CPNE4: variants seen among roughly 807,000 people sequenced by gnomAD.
The protein encoded by CPNE4 is copine 4, also known as copine-4.
CPNE4 carries 25 observed loss-of-function variants against 67.9 expected under a neutral mutation model. That is an observed-to-expected ratio of 0.37 (90% CI 0.27 to 0.51). CPNE4 has a LOEUF of 0.51. Among genes scored for constraint, CPNE4 ranks in the 20% least tolerant of loss-of-function variants. The pLI, the probability that CPNE4 is intolerant of heterozygous loss-of-function variation, is 0.93. For missense variants in CPNE4, 464 were observed against 690.8 expected (o/e 0.67, Z 3.68); for synonymous variants, 242 against 244.9 (o/e 0.99, Z 0.11).
intron 3 of CPNE4, among the ~76,000 whole-genome samples, chr3:131,713,133 T>C (rs1010045537): frequency 1.3e-5 from 2 of 151,882 alleles, no homozygotes; most frequent in African/African-American, 4.8e-5. Context: ...AGCTGTTTTT[T>C]TTTTAGCATT....
chr3:132,009,170 C>T (rs2369359), intron 1 of CPNE4, among the ~76,000 whole-genome samples: 127,476 of 152,130 alleles, frequency 0.84, 54,503 homozygotes, highest in Non-Finnish European at 0.93. Flanking sequence ...GCTGCTCTGT[C>T]TCTGTCTGTG....
At chr3:131,812,771 G>A (rs1235409961) in intron 2 of CPNE4, among the ~76,000 whole-genome samples, 1 of 152,190 alleles carries the variant, frequency 6.6e-6, no homozygotes, top group Non-Finnish European at 1.5e-5. Flanking sequence ...AGGAGCCATG[G>A]AAGAGTTAGT....
At chr3:131,848,802 G>A (rs1267936095) in intron 2 of CPNE4, among the ~76,000 whole-genome samples, 1 of 151,596 alleles carries the variant, frequency 6.6e-6, no homozygotes. Context: ...AGCGTCAATT[G>A]CTTCTAAAAT....
rs118031056 is a variant in CPNE4, at chr3:131,957,079, C to T, written c.-1-51635G>A. ...GAGGCAACCTCTCCCAATTCAATGC[C>T]GTGTCCTACTTAGGATGAATTGGGA... On this transcript the variant is annotated intron_variant, in intron 1 of 15. Coordinates refer to ENST00000429747, the MANE Select transcript of CPNE4 (RefSeq NM_130808.3). Among the ~76,000 whole-genome samples, 82 of 152,272 alleles carry T rather than the reference C, an allele frequency of 5.4e-4. No homozygotes were observed. In the East Asian group the frequency reaches 9.5e-3, roughly 18 times the overall value.
At chr3:131,860,732 T>C (rs1369746280) in intron 2 of CPNE4, among the ~76,000 whole-genome samples, 2 of 152,202 alleles carry the variant, frequency 1.3e-5, no homozygotes, top group Non-Finnish European at 2.9e-5. Flanking sequence ...TCACGGAAGA[T>C]GCTAGAAGAA....
At chr3:131,792,711 G>GTATATATATACATA (rs1407332682) in intron 2 of CPNE4, among the ~76,000 whole-genome samples, 1 of 103,726 alleles carries the variant, frequency 9.6e-6, no homozygotes, top group Admixed American at 1.1e-4. Context: ...ACACACACGT[G>GTATATATATACATA]TATATATGTA....
rs556572421 is a variant in CPNE4 at position 131,986,989 on chromosome 3, T to C, written c.-2+47578A>G. Among the ~76,000 whole-genome samples, 30 of 152,296 alleles carry C rather than the reference T, an allele frequency of 2.0e-4. No homozygotes were observed. In the South Asian group the frequency reaches 5.0e-3, roughly 25 times the overall value. ...ATGTCCAGTCCTCACTCAAGGCCAA[T>C]TAAATCAGAATCTCTGGAAGTGGTA... On this transcript the variant is annotated intron_variant, in intron 1 of 15. Transcript: ENST00000429747.
intron 2 of CPNE4, among the ~76,000 whole-genome samples, chr3:131,782,538 T>G (rs1002234945): frequency 6.6e-6 from 1 of 152,004 alleles, no homozygotes; most frequent in Non-Finnish European, 1.5e-5. Flanking sequence ...CTCCTAGTTA[T>G]CTTGAGAAGA....
At chr3:131,997,327 A>G (rs1050442401) in intron 1 of CPNE4, among the ~76,000 whole-genome samples, 9 of 152,150 alleles carry the variant, frequency 5.9e-5, no homozygotes, top group Non-Finnish European at 1.3e-4. Flanking sequence ...TCCCCACTGT[A>G]GAGACTGGTC....
intron 2 of CPNE4, among the ~76,000 whole-genome samples, chr3:131,865,837 A>G (rs2086921779): frequency 6.6e-6 from 1 of 152,178 alleles, no homozygotes; most frequent in South Asian, 2.1e-4. Context: ...TGTGGATGGG[A>G]AGAATAGAAA....
intron 7 of CPNE4, among the ~76,000 whole-genome samples, chr3:131,661,756 AT>A (rs571418090): frequency 6.0e-5 from 9 of 150,664 alleles, no homozygotes; most frequent in East Asian, 3.9e-4. Context: ...CTATCCAAGG[AT>A]TTTTTTTTTC....
chr3:131,598,465 A>G (rs752128594), intron 7 of CPNE4, among the ~76,000 whole-genome samples: 1 of 152,234 alleles, frequency 6.6e-6, no homozygotes, highest in Non-Finnish European at 1.5e-5. Flanking sequence ...GTATCATTAT[A>G]TCCCTTTGAC....
At chr3:131,944,319 G>T (rs1003050149) in intron 1 of CPNE4, among the ~76,000 whole-genome samples, 1 of 152,002 alleles carries the variant, frequency 6.6e-6, no homozygotes, top group Non-Finnish European at 1.5e-5. Flanking sequence ...ACTTCATGGT[G>T]TGGGCAATTT....
At chr3:131,935,061 A>C (rs2071182460) in intron 1 of CPNE4, among the ~76,000 whole-genome samples, 1 of 152,156 alleles carries the variant, frequency 6.6e-6, no homozygotes, top group South Asian at 2.1e-4. Context: ...TCAATAAAGA[A>C]ATTAAATAAC....
intron 7 of CPNE4, among the ~76,000 whole-genome samples, chr3:131,643,943 T>G (rs907960064): frequency 6.6e-6 from 1 of 152,188 alleles, no homozygotes; most frequent in Admixed American, 6.5e-5. Flanking sequence ...ATTAAACCTC[T>G]TTCCATATAA....
At chr3:131,822,139 C>T (rs79728107) in intron 2 of CPNE4, among the ~76,000 whole-genome samples, 3,529 of 152,228 alleles carry the variant, frequency 0.023, 124 homozygotes, top group African/African-American at 0.079. Flanking sequence ...ATAAAGCTAA[C>T]GCAAGGGCCA....
At chr3:131,824,345 TA>T (rs1326985676) in intron 2 of CPNE4, among the ~76,000 whole-genome samples, 1 of 152,090 alleles carries the variant, frequency 6.6e-6, no homozygotes, top group Non-Finnish European at 1.5e-5. Flanking sequence ...ACTCAAAGAT[TA>T]AAAAAGAACT....
intron 9 of CPNE4, among the ~76,000 whole-genome samples, chr3:131,578,339 T>C (rs916135657): frequency 6.6e-6 from 1 of 152,168 alleles, no homozygotes; most frequent in Non-Finnish European, 1.5e-5. Context: ...GTGAACTTAA[T>C]TGATAAGTGT....
At chr3:131,986,853 CAAAA>C (rs1301527604) in intron 1 of CPNE4, among the ~76,000 whole-genome samples, 2 of 101,680 alleles carry the variant, frequency 2.0e-5, no homozygotes, top group Admixed American at 2.0e-4. Flanking sequence ...CAAAAAAAAA[CAAAA>C]ACAAACAAAC....
Sources: gnomAD v4.1 joint callset for allele counts (sites outside exome capture counted in the v4.1 genomes callset) on GRCh38, gnomAD v4.1.1 for gene constraint, MANE v1.5 for transcripts, NCBI Gene and HGNC (gene_info 2026-07-23, HGNC 2026-07-21) for gene names.